The following TSPOAP1 variants were observed in gnomAD, a reference collection of about 807,000 sequenced individuals.
TSPOAP1 encodes the protein peripheral-type benzodiazepine receptor-associated protein 1.
TSPOAP1 carries 87 observed loss-of-function variants against 197.0 expected under a neutral mutation model. That is an observed-to-expected ratio of 0.44 (90% confidence interval 0.37 to 0.53). The LOEUF (loss-of-function observed/expected upper bound fraction) is 0.53, where lower values mean the gene tolerates loss of function less well. TSPOAP1 is among the 20% of genes least tolerant of loss of function. The pLI, the probability that TSPOAP1 is intolerant of heterozygous loss-of-function variation, is 0.00. For missense variants in TSPOAP1, 2,174 were observed against 2,411.3 expected (o/e 0.90, Z 2.06); for synonymous variants, 913 against 998.9 (o/e 0.91, Z 1.62).
At position 58,320,597 on chromosome 17, in the gene TSPOAP1, A is replaced by T; in HGVS notation, c.1423-16T>A. On this transcript the variant is annotated splice_polypyrimidine_tract_variant and intron_variant, in intron 10 of 31. Transcript: ENST00000343736. ...CAGCCTGGGCCTACAGGTGGGGGGAACCAAAATACTGGAGGGAAGGAGAAG... is the reference window on the plus strand; with the variant it reads ...CAGCCTGGGCCTACAGGTGGGGGGATCCAAAATACTGGAGGGAAGGAGAAG... 1.4e-6 allele frequency: 2 copies of T among 1,428,792 alleles called. No individual in the cohort carries two copies. The highest frequency in any genetic ancestry group is 1.8e-6 in the Non-Finnish European group (2 of 1,086,408). The allele number at this position is 1,428,792 out of a possible 1,614,324, so 88.5% of individuals were successfully genotyped here. A position where few individuals can be genotyped will look rare whatever the true frequency, so the allele number is the denominator to read the frequency against.
Position 58,308,861 on chromosome 17 carries a change from C to A in TSPOAP1, c.4411G>T (p.Gly1471Cys). 1 of 1,607,084 alleles carries A rather than the reference C, an allele frequency of 6.2e-7. No individual in the cohort carries two copies. Reference sequence around the variant, plus strand: ...CCACGGGAGCACCTCCGGGAAGGGCCCAGCCGGCCTCTCCCGCTAGCCTCT... The same window carrying A: ...CCACGGGAGCACCTCCGGGAAGGGCACAGCCGGCCTCTCCCGCTAGCCTCT... The part of the protein sequence containing the change: ...GLEASGRGRL[G>C]PSRRCSRGRA... The change falls in exon 22 of 32, where the codon GGC becomes TGC. Residue 1471 changes from glycine (G) to cysteine (C), a missense_variant. By Grantham distance (159) the Gly-to-Cys change is radical. Coordinates refer to ENST00000343736, the MANE Select transcript of TSPOAP1 (RefSeq NM_004758.4).
chr17:58,320,363 C>A (rs1176578105), intron 11 of TSPOAP1, among the ~76,000 whole-genome samples, 168 bp downstream of exon 11: 1 of 152,184 alleles, frequency 6.6e-6, no homozygotes, highest in African/African-American at 2.4e-5. Context: ...CCGTGCCCAC[C>A]CTGAGAAATA....
chr17:58,310,796 T>C (rs781323986), intron 19 of TSPOAP1, 40 bp downstream of exon 19: 1 of 1,589,934 alleles, frequency 6.3e-7, no homozygotes, highest in South Asian at 1.1e-5. Flanking sequence ...CAGGTCCCTC[T>C]GCCAGCCTGC....
At position 58,322,972 on chromosome 17, in the gene TSPOAP1, C is replaced by T. The variant is rs761033860; in HGVS notation, c.1172G>A (p.Gly391Glu). 5 of 1,611,190 alleles carry T rather than the reference C, an allele frequency of 3.1e-6. No homozygotes were observed. Among genetic ancestry groups the T allele is most frequent in the Non-Finnish European group, 4.2e-6 (5 of 1,178,868 alleles). The stretch of plus-strand genomic sequence containing the variant: ...TACCTGCTCCTTCTCTGTGGCTCTC[C>T]CACTGAGCCGGGAGTTCTCCTCCAC... ...RLVEENSRLS[G>E]RATEKEQVEW... The change falls in exon 8 of 32, where the codon GGG becomes GAG. Residue 391 changes from glycine to glutamate, a missense_variant. Physicochemically the swap from Gly to Glu is moderately conservative, Grantham distance 98. Transcript: ENST00000343736. The surrounding 1 kb of genome is among the most constrained non-coding windows in gnomAD (Gnocchi z 5.0).
rs760340215 is a variant in TSPOAP1 at position 58,310,057 on chromosome 17, C to CTCCTCT, written c.3795_3800dup (p.Glu1273_Glu1274dup). On this transcript the variant is annotated inframe_insertion, in exon 21 of 32. Transcript: ENST00000343736. ...CCAGCTCCTCTTCCTCCTCCTCCTC[C>CTCCTCT]TCCTCTTCCTCTTCCTCCTGGATGT... 14 of 1,613,426 alleles carry CTCCTCT rather than the reference C, an allele frequency of 8.7e-6. No individual in the cohort carries two copies. Among genetic ancestry groups the CTCCTCT allele is most frequent in the Admixed American group, 8.3e-5 (5 of 60,010 alleles).
At chr17:58,313,488 G>A (rs902483962) in intron 16 of TSPOAP1, among the ~76,000 whole-genome samples, 1 of 152,012 alleles carries the variant, frequency 6.6e-6, no homozygotes, top group Admixed American at 6.6e-5. Flanking sequence ...TTGCACGCCT[G>A]CAGTTGCAGC....
rs763547270 is a variant in TSPOAP1, at chr17:58,306,849, T to C, written c.5103A>G (p.Gln1701=). The C allele has an allele frequency of 2.3e-5, 37 of 1,613,816 alleles. No homozygotes were observed. Among genetic ancestry groups the C allele is most frequent in the Non-Finnish European group, 3.1e-5 (36 of 1,179,982 alleles). ...VAVDSPAGRQ[Q]LLQRGYLSPD... ...GGGACAAATAACCCCGCTGGAGCAG[T>C]TGCTGTCTCCCAGCAGGGCTGTCCA... Residue 1701 remains glutamine, a synonymous_variant, in exon 25 of 32, where the codon CAA becomes CAG. Transcript: ENST00000343736.
At position 58,320,577 on chromosome 17, in the gene TSPOAP1, TG is replaced by T; in HGVS notation, c.1426del (p.Gln476ArgfsTer156). 1 of 1,461,810 alleles carries T rather than the reference TG, an allele frequency of 6.8e-7. No individual in the cohort carries two copies. The highest frequency in any genetic ancestry group is 2.5e-5 in the East Asian group (1 of 39,684). 90.6% of individuals were successfully genotyped at this position (1,461,810 alleles called of 1,614,324 possible). A position where few individuals can be genotyped will look rare whatever the true frequency, so the allele number is the denominator to read the frequency against. On this transcript the variant is annotated frameshift_variant, in exon 11 of 32. Transcript: ENST00000343736. LOFTEE classifies it high-confidence loss of function. ...QEEVRRLQQA[Q>X]AEAQREHEGA... The stretch of plus-strand genomic sequence containing the variant: ...TTCATGTTCCCTCTGGGCTTCAGCC[TG>T]GGCCTACAGGTGGGGGGAACCAAAA...
chr17:58,314,668 A>C (rs909192878), intron 16 of TSPOAP1, among the ~76,000 whole-genome samples: 2 of 152,242 alleles, frequency 1.3e-5, no homozygotes, highest in African/African-American at 4.8e-5. Flanking sequence ...TGAGAGAATA[A>C]ATGTCTATTG....
rs752662013 is a variant in TSPOAP1, at chr17:58,307,756, G to T, written c.4838C>A (p.Ala1613Glu). The change falls in exon 24 of 32, where the codon GCG becomes GAG. Residue 1613 changes from alanine (A) to glutamate (E), a missense_variant. This residue lies in a region of TSPOAP1 where 1,933 missense variants were observed against 2,139.0 expected (regional missense o/e 0.90). Coordinates refer to ENST00000343736, the MANE Select transcript of TSPOAP1 (RefSeq NM_004758.4). ...LRPSTAELVP[A>E]RSPSETLAYQ... ...AGCCAGTGTTTCTGAGGGGCTCCTC[G>T]CAGGGACTGTGGAGACAGTGGAGAG... The T allele has an allele frequency of 1.2e-6, 2 of 1,614,140 alleles. No individual in the cohort carries two copies.
chr17:58,323,471 C>T lies in TSPOAP1; in HGVS notation c.1017G>A (p.Gln339=). The T allele has an allele frequency of 6.2e-7, 1 of 1,614,232 alleles. No homozygotes were observed. Among genetic ancestry groups the T allele is most frequent in the Non-Finnish European group, 8.5e-7 (1 of 1,180,026 alleles). ...CAGCCCTTGACCTAGGACTTACCAG[C>T]TGCTGCACCCTCTGCTCTTTCTCTG... ...GEPEKEQRVQ[Q]LESELSKKRK... The change falls in exon 6 of 32, where the codon CAG becomes CAA. Residue 339 remains glutamine (Q), a synonymous_variant. Transcript: ENST00000343736.
At chr17:58,307,031 C>T in intron 24 of TSPOAP1, 63 bp from the exon 25 acceptor site, 1 of 1,527,262 alleles carries the variant, frequency 6.5e-7, no homozygotes, top group Admixed American at 1.8e-5. Context: ...AGGCCCCGAA[C>T]CCCAGCAACA....
At chr17:58,302,568 G>C in intron 31 of TSPOAP1, 121 bp from the exon 32 acceptor site, 2 of 622,344 alleles carry the variant, frequency 3.2e-6, no homozygotes, top group Non-Finnish European at 4.5e-6. Flanking sequence ...GGCTGACGCT[G>C]AGAACCAGGG....
At position 58,311,699 on chromosome 17, in the gene TSPOAP1, C is replaced by A; in HGVS notation, c.2953G>T (p.Val985Leu). The A allele has an allele frequency of 6.3e-7, 1 of 1,590,656 alleles. No individual in the cohort carries two copies. The highest frequency in any genetic ancestry group is 1.1e-5 in the South Asian group (1 of 88,244). Reference sequence around the variant, plus strand: ...GGGGAGGGCCCAGGCTCGATCTGCACATCCAGAGGGGCATCAGGTGGGCCT... The same window carrying A: ...GGGGAGGGCCCAGGCTCGATCTGCAAATCCAGAGGGGCATCAGGTGGGCCT... ...PAGPPDAPLD[V>L]QIEPGPSPGI... The change falls in exon 18 of 32, where the codon GTG becomes TTG. Residue 985 changes from valine to leucine, a missense_variant. Coordinates refer to ENST00000343736, the MANE Select transcript of TSPOAP1 (RefSeq NM_004758.4).
chr17:58,314,578 G>A (rs933261406), intron 16 of TSPOAP1, among the ~76,000 whole-genome samples: 18 of 152,368 alleles, frequency 1.2e-4, no homozygotes, highest in Admixed American at 4.6e-4. Context: ...ACAAGGAACG[G>A]AACCTCCCCT....
Position 58,304,958 on chromosome 17 carries a change from T to C in TSPOAP1, c.5544+103A>G. ...ACGCTGGACACAGTGCTTACCTGCATGACCACCCCAGCTGCACCCCTGCCG... is the reference window on the plus strand; with the variant it reads ...ACGCTGGACACAGTGCTTACCTGCACGACCACCCCAGCTGCACCCCTGCCG... On this transcript the variant is annotated intron_variant, in intron 30 of 31. Coordinates refer to ENST00000343736, the MANE Select transcript of TSPOAP1 (RefSeq NM_004758.4). The surrounding 1 kb of genome is among the most constrained non-coding windows in gnomAD (Gnocchi z 4.2). 2.3e-6 allele frequency: 2 copies of C among 883,186 alleles called. No homozygotes were observed. The highest frequency in any genetic ancestry group is 3.8e-6 in the Non-Finnish European group (2 of 521,136). 54.7% of individuals were successfully genotyped at this position (883,186 alleles called of 1,614,324 possible). A position where few individuals can be genotyped will look rare whatever the true frequency, so the allele number is the denominator to read the frequency against.
Position 58,304,552 on chromosome 17 carries a change from GCCTCTTCAC to G in TSPOAP1, c.5545-162_5545-154del. 1 of 668,684 alleles carries G rather than the reference GCCTCTTCAC, an allele frequency of 1.5e-6. No homozygotes were observed. Among genetic ancestry groups the G allele is most frequent in the Admixed American group, 2.4e-5 (1 of 42,442 alleles). The allele number at this position is 668,684 out of a possible 1,614,324, so 41.4% of individuals were successfully genotyped here. Reference sequence around the variant, plus strand: ...CCCTGAGTTTTCTGGCTGGGGCTTGGCCTCTTCACCCTCTCTCCCTGCCCTCTGAGAGTG... The same window carrying G: ...CCCTGAGTTTTCTGGCTGGGGCTTGGCCTCTCTCCCTGCCCTCTGAGAGTG... On this transcript the variant is annotated intron_variant, in intron 30 of 31. Transcript: ENST00000343736. This position sits in a 1 kb window ranked among gnomAD's most constrained non-coding sequence, Gnocchi z 4.2.
At position 58,304,482 on chromosome 17, in the gene TSPOAP1, G is replaced by A; in HGVS notation, c.5545-83C>T. 1 of 1,152,370 alleles carries A rather than the reference G, an allele frequency of 8.7e-7. No individual in the cohort carries two copies. Among genetic ancestry groups the A allele is most frequent in the Non-Finnish European group, 1.3e-6 (1 of 760,436 alleles). The allele number at this position is 1,152,370 out of a possible 1,614,324, so 71.4% of individuals were successfully genotyped here. ...CCCGGCCACCAGGTGGCCCTGCGCAGGGGTGGGCCCTACTCTCCAAGGCCT... is the reference window on the plus strand; with the variant it reads ...CCCGGCCACCAGGTGGCCCTGCGCAAGGGTGGGCCCTACTCTCCAAGGCCT... On this transcript the variant is annotated intron_variant, in intron 30 of 31. Coordinates refer to ENST00000343736, the MANE Select transcript of TSPOAP1 (RefSeq NM_004758.4). The surrounding 1 kb of genome is among the most constrained non-coding windows in gnomAD (Gnocchi z 4.2).
rs146543173 is a variant in TSPOAP1 at position 58,308,579 on chromosome 17, G to T, written c.4693C>A (p.Arg1565Ser). Residue 1565 changes from arginine to serine, a missense_variant, in exon 22 of 32, where the codon CGC (arginine) becomes AGC (serine). By Grantham distance (110) the Arg-to-Ser change is moderately radical. Transcript: ENST00000343736. ...WEKGEPERRG[R>S]SATGRAKEPL... ...TCCTTGGCTCTGCCCGTCGCACTGC[G>T]GCCTCTCCGCTCTGGTTCCCCTTTC... The T allele has an allele frequency of 6.4e-7, 1 of 1,564,402 alleles. No homozygotes were observed. Among genetic ancestry groups the T allele is most frequent in the Admixed American group, 1.8e-5 (1 of 54,784 alleles).
Sources: gnomAD v4.1 joint callset for allele counts (sites outside exome capture counted in the v4.1 genomes callset) on GRCh38, gnomAD v4.1.1 for gene constraint, gnomAD v4.1.1 regional missense constraint, Gnocchi (gnomAD v3.1) non-coding constraint, MANE v1.5 for transcripts, NCBI Gene and HGNC (gene_info 2026-07-23, HGNC 2026-07-21) for gene names.